The following CHCHD3 variants were observed in gnomAD, a reference collection of about 807,000 sequenced individuals.
CHCHD3 encodes the protein MICOS complex subunit MIC19.
Under a neutral mutation model 38.2 loss-of-function variants are expected in CHCHD3, and 20 were observed. The observed-to-expected ratio is 0.52, with a 90% CI of 0.37 to 0.76. The LOEUF is 0.76. Among genes scored for constraint, CHCHD3 ranks in the 30% least tolerant of loss-of-function variants. The pLI is 0.00. For synonymous variants in CHCHD3, 82 were observed against 100.0 expected (o/e 0.82, Z 1.07); for missense variants, 245 against 279.2 (o/e 0.88, Z 0.87).
rs1383274040 is a variant in CHCHD3, at chr7:132,984,784, C to G, written c.252-9498G>C. Among the ~76,000 whole-genome samples the G allele has an allele frequency of 1.8e-3, 256 of 146,024 alleles. 3 individuals carry two copies. Among genetic ancestry groups the G allele is most frequent in the Non-Finnish European group, 1.9e-3 (126 of 65,984 alleles). On this transcript the variant is annotated intron_variant, in intron 3 of 7. Coordinates refer to ENST00000262570, the MANE Select transcript of CHCHD3 (RefSeq NM_017812.4). The stretch of plus-strand genomic sequence containing the variant: ...CTGAGAAGTGAGGAGCCCCTCCGCC[C>G]GGCAGCCACTCCGTCTGGGAAGTGA...
At chr7:133,004,907 GT>G (rs1380965375) in intron 3 of CHCHD3, among the ~76,000 whole-genome samples, 3 of 151,960 alleles carry the variant, frequency 2.0e-5, no homozygotes, top group African/African-American at 7.3e-5. Flanking sequence ...TAATGAGGGA[GT>G]TTATTCCAAA....
intron 5 of CHCHD3, among the ~76,000 whole-genome samples, chr7:132,840,994 A>G (rs1479821778): frequency 2.0e-5 from 3 of 152,136 alleles, no homozygotes; most frequent in African/African-American, 7.2e-5. Flanking sequence ...CTCAAATTAA[A>G]GCTTTAGGCT....
intron 2 of CHCHD3, among the ~76,000 whole-genome samples, chr7:133,058,061 T>G (rs1242548075): frequency 6.6e-6 from 1 of 152,040 alleles, no homozygotes; most frequent in Non-Finnish European, 1.5e-5. Flanking sequence ...TTAAGAAAAA[T>G]TAAAGAAACA....
At position 133,035,608 on chromosome 7, in the gene CHCHD3, C is replaced by T. The variant is rs778649190; in HGVS notation, c.170-10981G>A. The T allele has an allele frequency of 4.1e-5, 66 of 1,612,152 alleles. No individual in the cohort carries two copies. The highest frequency in any genetic ancestry group is 5.4e-5 in the Non-Finnish European group (64 of 1,178,928). On this transcript the variant is annotated intron_variant, in intron 2 of 7. Transcript: ENST00000262570. This position sits in a 1 kb window ranked among gnomAD's most constrained non-coding sequence, Gnocchi z 4.7. ...CAGGTACTGGCTGGGGGCACTATAT[C>T]GGAATCAGCAAAGCTCACCCACTGC...
At chr7:132,816,275 T>C (rs1310299652) in intron 6 of CHCHD3, among the ~76,000 whole-genome samples, 1 of 152,196 alleles carries the variant, frequency 6.6e-6, no homozygotes, top group Non-Finnish European at 1.5e-5. Context: ...AAAAAAATCA[T>C]CTGGGCTTAG....
intron 5 of CHCHD3, among the ~76,000 whole-genome samples, chr7:132,852,945 A>T (rs1808254474): frequency 6.6e-6 from 1 of 152,152 alleles, no homozygotes; most frequent in South Asian, 2.1e-4. Flanking sequence ...CCTAAGAAAA[A>T]CTTTCCTGAA....
intron 2 of CHCHD3, among the ~76,000 whole-genome samples, chr7:133,038,416 T>A (rs992174604): frequency 1.3e-5 from 2 of 152,180 alleles, no homozygotes; most frequent in East Asian, 3.8e-4. Flanking sequence ...TTGAACACAA[T>A]GAGATTCAAA....
At chr7:132,964,224 CA>C (rs1395719428) in intron 4 of CHCHD3, among the ~76,000 whole-genome samples, 1 of 152,128 alleles carries the variant, frequency 6.6e-6, no homozygotes. Flanking sequence ...CTTTATTATT[CA>C]AAGTGACAAA....
rs892767403 is a variant in CHCHD3, at chr7:132,795,780, C to T, written c.660+662G>A. Among the ~76,000 whole-genome samples the T allele has an allele frequency of 4.7e-4, 72 of 152,218 alleles. 1 individual carries two copies. The highest frequency in any genetic ancestry group is 1.6e-3 in the African/African-American group (66 of 41,534). ...AAATGATAGGCAATTATGTGACCTG[C>T]CAGAATTGATAATTTGCTTCAGGGT... On this transcript the variant is annotated intron_variant, in intron 7 of 7. Transcript: ENST00000262570.
chr7:132,960,992 A>G (rs1256882645), intron 4 of CHCHD3, among the ~76,000 whole-genome samples: 1 of 152,100 alleles, frequency 6.6e-6, no homozygotes, highest in African/African-American at 2.4e-5. Flanking sequence ...AAACAAAAAA[A>G]GGGGCTCAGG....
intron 5 of CHCHD3, among the ~76,000 whole-genome samples, chr7:132,873,044 C>G (rs953980601): frequency 2.0e-5 from 3 of 151,760 alleles, no homozygotes; most frequent in African/African-American, 7.3e-5. Context: ...GAGCCGAGAT[C>G]GCACCACTGC....
chr7:132,830,516 A>T (rs1351070303), intron 6 of CHCHD3, among the ~76,000 whole-genome samples: 1 of 152,244 alleles, frequency 6.6e-6, no homozygotes, highest in Non-Finnish European at 1.5e-5. Context: ...AGAAGGTGAC[A>T]GTTATAATTT....
At chr7:132,925,047 G>A (rs954706014) in intron 4 of CHCHD3, among the ~76,000 whole-genome samples, 4 of 152,170 alleles carry the variant, frequency 2.6e-5, no homozygotes, top group African/African-American at 9.7e-5. Flanking sequence ...ATGGATGAAA[G>A]AAGGGCTATT....
chr7:132,949,698 C>A (rs1016120870), intron 4 of CHCHD3, among the ~76,000 whole-genome samples: 1 of 151,972 alleles, frequency 6.6e-6, no homozygotes, highest in Non-Finnish European at 1.5e-5. Flanking sequence ...AATATTCAGA[C>A]CCTAAAGTTA....
At chr7:132,795,547 C>T (rs921103136) in intron 7 of CHCHD3, among the ~76,000 whole-genome samples, 7 of 152,076 alleles carry the variant, frequency 4.6e-5, no homozygotes, top group Non-Finnish European at 8.8e-5. Context: ...ACCCTCCCGT[C>T]GGATATTTGT....
chr7:132,937,616 T>C (rs928219160), intron 4 of CHCHD3, among the ~76,000 whole-genome samples: 1 of 152,216 alleles, frequency 6.6e-6, no homozygotes, highest in Admixed American at 6.5e-5. Flanking sequence ...GCCTGCATTA[T>C]AATTGTATTC....
intron 4 of CHCHD3, among the ~76,000 whole-genome samples, chr7:132,940,781 G>A (rs562970272): frequency 2.0e-5 from 3 of 152,238 alleles, no homozygotes; most frequent in South Asian, 4.1e-4. Context: ...TCCTTGACAG[G>A]TGTCAATAAA....
intron 4 of CHCHD3, among the ~76,000 whole-genome samples, chr7:132,945,448 T>A (rs1312704105): frequency 6.6e-6 from 1 of 151,946 alleles, no homozygotes; most frequent in Admixed American, 6.6e-5. Flanking sequence ...TACATATCAA[T>A]GGGGTTGCCA....
At chr7:133,005,832 A>T (rs1812684619) in intron 3 of CHCHD3, among the ~76,000 whole-genome samples, 1 of 152,228 alleles carries the variant, frequency 6.6e-6, no homozygotes, top group African/African-American at 2.4e-5. Flanking sequence ...TTTATAGATA[A>T]GGTGTAATAC....
Sources: gnomAD v4.1 joint callset for allele counts (sites outside exome capture counted in the v4.1 genomes callset) on GRCh38, gnomAD v4.1.1 for gene constraint, Gnocchi (gnomAD v3.1) non-coding constraint, MANE v1.5 for transcripts, NCBI Gene and HGNC (gene_info 2026-07-23, HGNC 2026-07-21) for gene names.